KCTD16: variants seen among roughly 807,000 people sequenced by gnomAD.
KCTD16 encodes the protein BTB/POZ domain-containing protein KCTD16.
A neutral mutation model predicts 33.2 loss-of-function variants in KCTD16; 13 were observed. That is an observed-to-expected ratio of 0.39 (90% confidence interval 0.25 to 0.62). The LOEUF is 0.62. Among genes scored for constraint, KCTD16 ranks in the 20% least tolerant of loss-of-function variants. The pLI, the probability that KCTD16 is intolerant of heterozygous loss-of-function variation, is 0.50. For missense variants in KCTD16, 441 were observed against 525.1 expected, an observed-to-expected ratio of 0.84 and a Z score of 1.57; for synonymous variants, 197 against 195.3, an observed-to-expected ratio of 1.01 and a Z score of -0.07.
chr5:144,448,824 T>C (rs1753879110), intron 3 of KCTD16, among the ~76,000 whole-genome samples: 2 of 152,206 alleles, frequency 1.3e-5, no homozygotes, highest in African/African-American at 4.8e-5. Flanking sequence ...TCCTAATGGC[T>C]TTTATTATAT....
intron 3 of KCTD16, among the ~76,000 whole-genome samples, chr5:144,444,096 A>T (rs1346923112): frequency 6.6e-6 from 1 of 152,052 alleles, no homozygotes; most frequent in Non-Finnish European, 1.5e-5. Flanking sequence ...ACATTTCAAA[A>T]CAACAATATT....
intron 3 of KCTD16, among the ~76,000 whole-genome samples, chr5:144,395,172 T>C (rs1752541619): frequency 6.6e-6 from 1 of 152,186 alleles, no homozygotes. Context: ...GAGACCCACT[T>C]AAGGACTAAG....
intron 3 of KCTD16, among the ~76,000 whole-genome samples, chr5:144,314,185 C>G (rs1751844159): frequency 6.6e-6 from 1 of 152,090 alleles, no homozygotes; most frequent in African/African-American, 2.4e-5. Context: ...TTAACCAATG[C>G]ACGAGATCAA....
chr5:144,468,066 T>A (rs956294103), intron 3 of KCTD16, among the ~76,000 whole-genome samples: 1 of 152,116 alleles, frequency 6.6e-6, no homozygotes. Context: ...GGTTTCAGCT[T>A]CCCTTTTTTC....
intron 3 of KCTD16, among the ~76,000 whole-genome samples, chr5:144,315,664 A>C (rs533356083): frequency 6.6e-6 from 1 of 152,188 alleles, no homozygotes; most frequent in African/African-American, 2.4e-5. Flanking sequence ...AGTTTAGTAC[A>C]TGAGAGAACT....
intron 3 of KCTD16, among the ~76,000 whole-genome samples, chr5:144,318,315 C>T (rs1751979851): frequency 6.6e-6 from 1 of 152,148 alleles, no homozygotes; most frequent in African/African-American, 2.4e-5. Flanking sequence ...GTACCTTGAT[C>T]TACCTTGATG....
chr5:144,189,634 T>C (rs1408487645), intron 2 of KCTD16, among the ~76,000 whole-genome samples: 3 of 152,204 alleles, frequency 2.0e-5, no homozygotes, highest in Non-Finnish European at 4.4e-5. Flanking sequence ...AAGCAAATCG[T>C]GCTAGGTAAT....
Position 144,476,287 on chromosome 5 carries a change from C to T in KCTD16, c.*2173C>T, listed in dbSNP as rs1187329219. 1 of 152,130 alleles carries T rather than the reference C, an allele frequency of 6.6e-6. No homozygotes were observed. Among genetic ancestry groups the T allele is most frequent in the Non-Finnish European group, 1.5e-5 (1 of 68,016 alleles). 9.4% of individuals were successfully genotyped at this position (152,130 alleles called of 1,614,324 possible). On this transcript the variant is annotated 3_prime_UTR_variant, in exon 4 of 4. Transcript: ENST00000512467. ...ACTTTGGGGGTCTAACTAAAATGGC[C>T]AAAGTTCCAACTTCCTTAAATTTCA... is the stretch of plus-strand genomic sequence containing the variant.
rs990131112 is a variant in KCTD16 at position 144,483,480 on chromosome 5, A to T, written c.*9366A>T. On this transcript the variant is annotated 3_prime_UTR_variant, in exon 4 of 4. Transcript: ENST00000512467. Reference sequence around the variant, plus strand: ...CACAAAGTTTTAGTCTCCTGCAAATAACACTTGAAGTCTGTTTATACAATA... The same window carrying T: ...CACAAAGTTTTAGTCTCCTGCAAATTACACTTGAAGTCTGTTTATACAATA... 3 of 151,994 alleles carry T rather than the reference A, an allele frequency of 2.0e-5. No homozygotes were observed. In the South Asian group the frequency reaches 6.2e-4, roughly 31 times the overall value. The allele number at this position is 151,994 out of a possible 1,614,324, so 9.4% of individuals were successfully genotyped here. A position where few individuals can be genotyped will look rare whatever the true frequency, so the allele number is the denominator to read the frequency against.
At chr5:144,201,702 C>T (rs1753047985) in intron 2 of KCTD16, among the ~76,000 whole-genome samples, 1 of 152,212 alleles carries the variant, frequency 6.6e-6, no homozygotes, top group African/African-American at 2.4e-5. Flanking sequence ...CCAGGCAGAA[C>T]TGGAAGAGGG....
chr5:144,415,266 C>A (rs543247461), intron 3 of KCTD16, among the ~76,000 whole-genome samples: 3 of 152,246 alleles, frequency 2.0e-5, no homozygotes, highest in Admixed American at 6.5e-5. Context: ...ATGAACCAAG[C>A]ACCTCCCATT....
chr5:144,417,206 G>A (rs2126958380), intron 3 of KCTD16, among the ~76,000 whole-genome samples: 1 of 152,072 alleles, frequency 6.6e-6, no homozygotes, highest in South Asian at 2.1e-4. Flanking sequence ...AATATTCAGG[G>A]GCTAAATATT....
At chr5:144,408,295 G>A (rs1752857945) in intron 3 of KCTD16, among the ~76,000 whole-genome samples, 1 of 152,160 alleles carries the variant, frequency 6.6e-6, no homozygotes, top group South Asian at 2.1e-4. Context: ...CACTGGCTCT[G>A]CAAACTCCTG....
At chr5:144,363,921 G>T (rs183119382) in intron 3 of KCTD16, among the ~76,000 whole-genome samples, 89 of 152,318 alleles carry the variant, frequency 5.8e-4, no homozygotes, top group Non-Finnish European at 8.8e-4. Flanking sequence ...TTGGGTAGTA[G>T]TCAAGGGATA....
intron 3 of KCTD16, among the ~76,000 whole-genome samples, chr5:144,299,072 A>ATATATATATTTTTTTTT (rs1491103244): frequency 1.7e-5 from 1 of 57,432 alleles, no homozygotes; most frequent in Non-Finnish European, 3.4e-5. Flanking sequence ...ATATATATAT[A>ATATATATATTTTTTTTT]TTTTTGTATA....
intron 3 of KCTD16, among the ~76,000 whole-genome samples, chr5:144,412,809 C>T (rs1241205898): frequency 1.3e-5 from 2 of 152,144 alleles, no homozygotes; most frequent in Non-Finnish European, 2.9e-5. Context: ...TCGCTTGAAC[C>T]TGGGAGGCAA....
At chr5:144,279,257 T>G (rs1223128251) in intron 3 of KCTD16, among the ~76,000 whole-genome samples, 1 of 152,202 alleles carries the variant, frequency 6.6e-6, no homozygotes, top group Non-Finnish European at 1.5e-5. Context: ...AGAGACAGTT[T>G]TATTTATTCT....
At chr5:144,380,453 CT>C (rs1752189039) in intron 3 of KCTD16, among the ~76,000 whole-genome samples, 1 of 152,136 alleles carries the variant, frequency 6.6e-6, no homozygotes, top group East Asian at 1.9e-4. Context: ...TTATATCAAA[CT>C]ATGAATGCCA....
At chr5:144,222,421 G>A (rs928978730) in intron 3 of KCTD16, among the ~76,000 whole-genome samples, 2 of 152,164 alleles carry the variant, frequency 1.3e-5, no homozygotes, top group African/African-American at 4.8e-5. Context: ...GCCTGGAGCA[G>A]ATAAATGAGG....
Sources: gnomAD v4.1 joint callset for allele counts (sites outside exome capture counted in the v4.1 genomes callset) on GRCh38, gnomAD v4.1.1 for gene constraint, MANE v1.5 for transcripts, NCBI Gene and HGNC (gene_info 2026-07-23, HGNC 2026-07-21) for gene names.